Variants in PDE4D observed in about 807,000 individuals in gnomAD.
PDE4D encodes 3',5'-cyclic-AMP phosphodiesterase 4D.
A neutral mutation model predicts 87.4 loss-of-function variants in PDE4D; 24 were observed. The ratio of observed to expected loss-of-function variants is 0.27; its 90% CI spans 0.20 to 0.39. PDE4D has a LOEUF of 0.39. PDE4D is among the 10% of genes least tolerant of loss of function. The probability of loss-of-function intolerance (pLI) is 1.00; values close to 1 mark genes in which losing one functional copy is unlikely to be tolerated. For synonymous variants in PDE4D, 384 were observed against 383.2 expected, an observed-to-expected ratio of 1.00 and a Z score of -0.02; for missense variants, 714 against 1,041.0, an observed-to-expected ratio of 0.69 and a Z score of 4.32.
chr5:59,793,572 G>A (rs969541911), intron 1 of PDE4D, among the ~76,000 whole-genome samples: 10 of 152,156 alleles, frequency 6.6e-5, no homozygotes, highest in African/African-American at 2.4e-4. Context: ...CAAAACAGTT[G>A]AACATGAACA....
chr5:59,494,832 G>A (rs541620313), intron 1 of PDE4D, among the ~76,000 whole-genome samples: 16 of 152,188 alleles, frequency 1.1e-4, no homozygotes, highest in Admixed American at 9.2e-4. Flanking sequence ...TGATTGGTGC[G>A]GACTACAAGC....
chr5:60,106,973 T>G (rs1777023213), intron 2 of PDE4D, among the ~76,000 whole-genome samples: 1 of 151,136 alleles, frequency 6.6e-6, no homozygotes, highest in Non-Finnish European at 1.5e-5. Flanking sequence ...GCAAACACAT[T>G]CAAAAGCTAG....
At chr5:59,277,944 C>T (rs1765135898) in intron 1 of PDE4D, among the ~76,000 whole-genome samples, 1 of 152,066 alleles carries the variant, frequency 6.6e-6, no homozygotes, top group African/African-American at 2.4e-5. Context: ...GAAATCGTCC[C>T]TCTCCCCTGG....
At chr5:59,106,347 C>G (rs746124198) in intron 5 of PDE4D, among the ~76,000 whole-genome samples, 1 of 152,202 alleles carries the variant, frequency 6.6e-6, no homozygotes, top group Non-Finnish European at 1.5e-5. Context: ...ATGTGTTTGA[C>G]TGATGATGTT....
In PDE4D at chr5:59,720,171, T is replaced by C. The variant is rs574246057; in HGVS notation, c.455+172997A>G. On this transcript the variant is annotated intron_variant, in intron 1 of 14. Coordinates refer to ENST00000340635, the MANE Select transcript of PDE4D (RefSeq NM_001104631.2). The stretch of plus-strand genomic sequence containing the variant: ...TTTACACACTTGTTAAAATGCTCAC[T>C]TTTTTTAAGAGATGGGATCTTGCTC... Among the ~76,000 whole-genome samples, 3 of 152,306 alleles carry C rather than the reference T, an allele frequency of 2.0e-5. No homozygotes were observed. In the South Asian group the frequency reaches 6.2e-4, roughly 32 times the overall value.
chr5:59,098,883 A>T (rs6872107), intron 5 of PDE4D, among the ~76,000 whole-genome samples: 6,824 of 152,154 alleles, frequency 0.045, 513 homozygotes, highest in African/African-American at 0.16. Context: ...CAAGATGGCT[A>T]CTGATGCTCC....
chr5:59,584,073 A>G (rs1288525113), intron 1 of PDE4D, among the ~76,000 whole-genome samples: 1 of 152,218 alleles, frequency 6.6e-6, no homozygotes, highest in Non-Finnish European at 1.5e-5. Flanking sequence ...TTGGAGATGA[A>G]AAGAGCAATT....
At chr5:60,493,964 C>CA (rs947068864) in intron 1 of PDE4D, among the ~76,000 whole-genome samples, 11 of 151,794 alleles carry the variant, frequency 7.2e-5, no homozygotes, top group East Asian at 1.9e-4. Flanking sequence ...TTCAGTTTAA[C>CA]AAAAAAAATG....
chr5:59,058,690 C>T (rs958575230), intron 5 of PDE4D, among the ~76,000 whole-genome samples: 1 of 152,006 alleles, frequency 6.6e-6, no homozygotes, highest in African/African-American at 2.4e-5. Context: ...ACTATGGAGG[C>T]AGCTCTCTCA....
At chr5:59,186,772 G>A (rs1390746308) in intron 3 of PDE4D, among the ~76,000 whole-genome samples, 5 of 151,892 alleles carry the variant, frequency 3.3e-5, no homozygotes, top group African/African-American at 1.2e-4. Flanking sequence ...GGAAAAACCT[G>A]GCTCATTATC....
At chr5:60,108,563 G>T (rs1777304751) in intron 2 of PDE4D, among the ~76,000 whole-genome samples, 1 of 152,126 alleles carries the variant, frequency 6.6e-6, no homozygotes, top group Admixed American at 6.6e-5. Context: ...TGAATCCTAA[G>T]CCAAAAGAAC....
chr5:60,234,250 A>G (rs975010802), intron 1 of PDE4D, among the ~76,000 whole-genome samples: 2 of 151,844 alleles, frequency 1.3e-5, no homozygotes, highest in African/African-American at 2.4e-5. Context: ...TTCAAGGTTC[A>G]TCCATGTTGT....
At chr5:58,976,156 T>C (rs1743722068) in intron 13 of PDE4D, among the ~76,000 whole-genome samples, 194 bp downstream of exon 13, 1 of 152,150 alleles carries the variant, frequency 6.6e-6, no homozygotes, top group Non-Finnish European at 1.5e-5. Context: ...TTAATGTAGA[T>C]GCAAACAGAA....
intron 3 of PDE4D, among the ~76,000 whole-genome samples, chr5:59,924,564 GAAAA>G (rs35983103): frequency 7.4e-6 from 1 of 134,364 alleles, no homozygotes. Flanking sequence ...ACAAAGTGTG[GAAAA>G]AAAAAAAAAA....
intron 1 of PDE4D, among the ~76,000 whole-genome samples, chr5:59,369,915 C>T (rs966347499): frequency 1.3e-5 from 2 of 152,168 alleles, no homozygotes; most frequent in African/African-American, 4.8e-5. Flanking sequence ...ACCTACTCCT[C>T]CCTTGAACTC....
At chr5:59,858,150 A>G (rs256356) in intron 1 of PDE4D, among the ~76,000 whole-genome samples, 101,375 of 151,946 alleles carry the variant, frequency 0.67, 35,330 homozygotes, top group African/African-American at 0.87. Context: ...CTCATGATAT[A>G]AAATTGGTGC....
intron 2 of PDE4D, chr5:60,185,537 T>A: frequency 6.7e-7 from 1 of 1,501,808 alleles, no homozygotes; most frequent in Non-Finnish European, 9.0e-7. Flanking sequence ...AGAAAATAGA[T>A]GAAAACAAAA....
intron 1 of PDE4D, among the ~76,000 whole-genome samples, chr5:60,272,769 C>A (rs1197230682): frequency 6.6e-6 from 1 of 152,074 alleles, no homozygotes; most frequent in Non-Finnish European, 1.5e-5. Flanking sequence ...TTAACTGAGG[C>A]CCTTTAAAAA....
chr5:60,399,881 C>A (rs1209883764), intron 1 of PDE4D, among the ~76,000 whole-genome samples: 1 of 152,246 alleles, frequency 6.6e-6, no homozygotes, highest in Non-Finnish European at 1.5e-5. Flanking sequence ...CACCAGATAA[C>A]CTGGTATCTC....
Sources: gnomAD v4.1 joint callset for allele counts (sites outside exome capture counted in the v4.1 genomes callset) on GRCh38, gnomAD v4.1.1 for gene constraint, MANE v1.5 for transcripts, NCBI Gene and HGNC (gene_info 2026-07-23, HGNC 2026-07-21) for gene names.